The following MEIOC variants were observed in gnomAD, a reference collection of about 807,000 sequenced individuals.
The protein encoded by MEIOC is meiosis-specific coiled-coil domain-containing protein MEIOC.
A neutral mutation model predicts 85.3 loss-of-function variants in MEIOC; 9 were observed. The ratio of observed to expected loss-of-function variants is 0.11; its 90% CI spans 0.06 to 0.18. MEIOC has a LOEUF of 0.18. Ranked by LOEUF, MEIOC falls within the 10% of genes least tolerant of loss-of-function variation. MEIOC has a pLI of 1.00. For synonymous variants in MEIOC, 365 were observed against 393.7 expected (o/e 0.93, Z 0.86); for missense variants, 898 against 1,129.4 (o/e 0.80, Z 2.94).
At position 44,674,249 on chromosome 17, in the gene MEIOC, C is replaced by G; in HGVS notation, c.*53C>G. On this transcript the variant is annotated 3_prime_UTR_variant, in exon 8 of 8. Coordinates refer to ENST00000409122, the MANE Select transcript of MEIOC (RefSeq NM_001145080.3). Reference sequence around the variant, plus strand: ...AAGCTGATAAATATACCAAGACATGCTAAAAATGTTTTAATGAACTTGTCA... The same window carrying G: ...AAGCTGATAAATATACCAAGACATGGTAAAAATGTTTTAATGAACTTGTCA... 6.7e-7 allele frequency: 1 copy of G among 1,487,880 alleles called. No individual in the cohort carries two copies. Among genetic ancestry groups the G allele is most frequent in the Non-Finnish European group, 8.9e-7 (1 of 1,118,790 alleles). The allele number at this position is 1,487,880 out of a possible 1,614,324, so 92.2% of individuals were successfully genotyped here.
At chr17:44,671,343 A>G (rs968944763) in intron 6 of MEIOC, 3 of 152,068 alleles carry the variant, frequency 2.0e-5, no homozygotes, top group African/African-American at 7.2e-5. Context: ...TATGCTTCAC[A>G]TTAATTTAGA....
Position 44,657,180 on chromosome 17 carries a change from C to T in MEIOC, c.123C>T (p.Asp41=), listed in dbSNP as rs746953923. Residue 41 remains aspartate, a synonymous_variant, in exon 2 of 8, where the codon GAC becomes GAT. Transcript: ENST00000409122. ...ATCGCTGTTGGAACCTCGGCGCCGA[C>T]GCCGGCAGCAGGTTAACCGACGTCT... ...GANRCWNLGA[D]AGSRLTDVFG... 1.3e-6 allele frequency: 2 copies of T among 1,551,820 alleles called. No homozygotes were observed. The highest frequency in any genetic ancestry group is 2.7e-5 in the African/African-American group (2 of 73,184).
Position 44,656,508 on chromosome 17 carries a change from C to A in MEIOC, c.-106C>A. 2 of 940,598 alleles carry A rather than the reference C, an allele frequency of 2.1e-6. No homozygotes were observed. The highest frequency in any genetic ancestry group is 2.9e-6 in the Non-Finnish European group (2 of 687,846). The allele number at this position is 940,598 out of a possible 1,614,324, so 58.3% of individuals were successfully genotyped here. A position where few individuals can be genotyped will look rare whatever the true frequency, so the allele number is the denominator to read the frequency against. ...AGCGCCCGGGCGGCGGAGGCGGCTG[C>A]GGAGACGGCGGGGTGCGGGCTGAGG... On this transcript the variant is annotated 5_prime_UTR_variant, in exon 1 of 8. Coordinates refer to ENST00000409122, the MANE Select transcript of MEIOC (RefSeq NM_001145080.3).
rs1971771995 is a variant in MEIOC at position 44,657,160 on chromosome 17, T to C, written c.103T>C (p.Cys35Arg). Residue 35 changes from cysteine (C) to arginine (R), a missense_variant, in exon 2 of 8, where the codon TGT (cysteine) becomes CGT (arginine). Physicochemically the swap from Cys to Arg is radical, Grantham distance 180 (BLOSUM62 -3). Coordinates refer to ENST00000409122, the MANE Select transcript of MEIOC (RefSeq NM_001145080.3). ...CGCGTTCCCCGGAGGTGCGAATCGC[T>C]GTTGGAACCTCGGCGCCGACGCCGG... ...KVAFPGGANR[C>R]WNLGADAGSR... 7 of 1,551,478 alleles carry C rather than the reference T, an allele frequency of 4.5e-6. No individual in the cohort carries two copies. Among genetic ancestry groups the C allele is most frequent in the Non-Finnish European group, 6.1e-6 (7 of 1,146,960 alleles).
In MEIOC at chr17:44,656,677, C is replaced by T; in HGVS notation, c.64C>T (p.Leu22Phe). 6.7e-7 allele frequency: 1 copy of T among 1,491,660 alleles called. No homozygotes were observed. Among genetic ancestry groups the T allele is most frequent in the Non-Finnish European group, 8.9e-7 (1 of 1,121,000 alleles). 92.4% of individuals were successfully genotyped at this position (1,491,660 alleles called of 1,614,324 possible). ...CCCCTCAGGCCTGAGGGAGGAAGGACTTGAGGTAATGGATGAGGAAGGGCA... is the reference window on the plus strand; with the variant it reads ...CCCCTCAGGCCTGAGGGAGGAAGGATTTGAGGTAATGGATGAGGAAGGGCA... ...PHPSGLREEG[L>F]EPKVAFPGGA... Residue 22 changes from leucine to phenylalanine, a missense_variant, in exon 1 of 8, where the codon CTT becomes TTT. Physicochemically the swap from Leu to Phe is conservative, Grantham distance 22. Transcript: ENST00000409122.
chr17:44,666,697 A>G lies in MEIOC; in HGVS notation c.786A>G (p.Glu262=). Residue 262 remains glutamate, a synonymous_variant, in exon 5 of 8, where the codon GAA becomes GAG. Transcript: ENST00000409122. ...ATACAGCTAAGACAACATTCCAAGA[A>G]TATCCACTTATCAAAAACTGTTTTA... ...TNDTAKTTFQ[E]YPLIKNCFTP... is the part of the protein sequence containing the mutation. The G allele has an allele frequency of 6.2e-7, 1 of 1,612,800 alleles. No individual in the cohort carries two copies. The highest frequency in any genetic ancestry group is 8.5e-7 in the Non-Finnish European group (1 of 1,179,320).
chr17:44,660,415 A>AT (rs1971827988), intron 2 of MEIOC, among the ~76,000 whole-genome samples: 1 of 151,754 alleles, frequency 6.6e-6, no homozygotes, highest in Non-Finnish European at 1.5e-5. Flanking sequence ...TAATTTTTGT[A>AT]TTTTTGTCGA....
intron 2 of MEIOC, among the ~76,000 whole-genome samples, chr17:44,658,766 C>T (rs1489857326): frequency 6.9e-6 from 1 of 145,068 alleles, no homozygotes; most frequent in East Asian, 2.0e-4. Flanking sequence ...GCACTCCAGC[C>T]TGGGTGACAG....
rs925565971 is a variant in MEIOC, at chr17:44,666,474, C to T, written c.563C>T (p.Thr188Ile). ...LLTETKRPID[T>I]VISQQAFYSD... ...ACAGAAACCAAAAGGCCAATAGATA[C>T]AGTCATCTCTCAGCAAGCTTTTTAT... Residue 188 changes from threonine (T) to isoleucine (I), a missense_variant, in exon 5 of 8, where the codon ACA (threonine) becomes ATA (isoleucine). Thr to Ile is a moderately conservative substitution (Grantham distance 89). Around this residue, in one of 2 missense-constraint regions of MEIOC, gnomAD observed 734 missense variants for 860.1 expected, o/e 0.85. Coordinates refer to ENST00000409122, the MANE Select transcript of MEIOC (RefSeq NM_001145080.3). The T allele has an allele frequency of 1.5e-5, 24 of 1,581,276 alleles. 1 individual carries two copies. The highest frequency in any genetic ancestry group is 1.3e-4 in the South Asian group (11 of 86,610).
chr17:44,659,170 A>T (rs552848625), intron 2 of MEIOC, among the ~76,000 whole-genome samples: 1 of 152,300 alleles, frequency 6.6e-6, no homozygotes, highest in South Asian at 2.1e-4. Context: ...TGTACTTTGA[A>T]TTATAACAAT....
chr17:44,661,793 C>T (rs1971845991), intron 2 of MEIOC, among the ~76,000 whole-genome samples: 1 of 152,094 alleles, frequency 6.6e-6, no homozygotes, highest in Non-Finnish European at 1.5e-5. Flanking sequence ...ATCCGCCCAC[C>T]TCGGCCTCCC....
At chr17:44,661,576 G>C (rs1338845175) in intron 2 of MEIOC, among the ~76,000 whole-genome samples, 2 of 152,066 alleles carry the variant, frequency 1.3e-5, no homozygotes, top group African/African-American at 4.8e-5. Flanking sequence ...TTTTGAGACA[G>C]AGTCTCGCTC....
chr17:44,657,501 AGCTTCCTGAGGCACGCGCCACCAC>A (rs1971780661), intron 2 of MEIOC, among the ~76,000 whole-genome samples: 1 of 146,744 alleles, frequency 6.8e-6, no homozygotes, highest in Non-Finnish European at 1.5e-5. Flanking sequence ...CTTGTGCCTC[AGCTTCCTGAGGCACGCGCCACCAC>A]GCCCGGCTGT....
At chr17:44,661,995 T>A (rs1971849463) in intron 2 of MEIOC, among the ~76,000 whole-genome samples, 1 of 152,212 alleles carries the variant, frequency 6.6e-6, no homozygotes, top group Non-Finnish European at 1.5e-5. Context: ...GCCCGATACC[T>A]GTTTTGTAAA....
chr17:44,675,369 G>A lies in MEIOC; in HGVS notation c.*1173G>A. The A allele has an allele frequency of 1.0e-6, 1 of 969,046 alleles. No individual in the cohort carries two copies. Among genetic ancestry groups the A allele is most frequent in the Non-Finnish European group, 1.2e-6 (1 of 815,052 alleles). 60.0% of individuals were successfully genotyped at this position (969,046 alleles called of 1,614,324 possible). Reference sequence around the variant, plus strand: ...CGTTAATATGAAATGTTGGTATTATGTGACTCAGAAGATCTTGGGTTTTAA... The same window carrying A: ...CGTTAATATGAAATGTTGGTATTATATGACTCAGAAGATCTTGGGTTTTAA... On this transcript the variant is annotated 3_prime_UTR_variant, in exon 8 of 8. Coordinates refer to ENST00000409122, the MANE Select transcript of MEIOC (RefSeq NM_001145080.3).
chr17:44,674,183 C>A lies in MEIOC; in HGVS notation c.2846C>A (p.Thr949Lys). ...SSNPMNQRGETNKH is the reference protein window; with the variant it reads ...SSNPMNQRGEKNKH The stretch of plus-strand genomic sequence containing the variant: ...AATCCAATGAACCAGAGAGGTGAAA[C>A]AAACAAACATTAAGGAAATGCCAGC... The change falls in exon 8 of 8, where the codon ACA (threonine) becomes AAA (lysine). Residue 949 changes from threonine to lysine, a missense_variant. This residue lies in a region of MEIOC where 164 missense variants were observed against 269.2 expected (regional missense o/e 0.61). Coordinates refer to ENST00000409122, the MANE Select transcript of MEIOC (RefSeq NM_001145080.3). The A allele has an allele frequency of 6.5e-7, 1 of 1,549,922 alleles. No individual in the cohort carries two copies. The highest frequency in any genetic ancestry group is 2.4e-5 in the East Asian group (1 of 40,888).
rs1971920777 is a variant in MEIOC at position 44,667,208 on chromosome 17, A to G, written c.1297A>G (p.Asn433Asp). 9.3e-6 allele frequency: 15 copies of G among 1,613,902 alleles called. No individual in the cohort carries two copies. Among genetic ancestry groups the G allele is most frequent in the Non-Finnish European group, 1.3e-5 (15 of 1,179,876 alleles). ...GLKPHTACPA[N>D]DFANVTEKQQ... ...AAAACCTCACACAGCTTGTCCCGCTAATGATTTTGCTAACGTCACAGAAAA... is the reference window on the plus strand; with the variant it reads ...AAAACCTCACACAGCTTGTCCCGCTGATGATTTTGCTAACGTCACAGAAAA... The change falls in exon 5 of 8, where the codon AAT becomes GAT. Residue 433 changes from asparagine to aspartate, a missense_variant. Asn to Asp is a conservative substitution (Grantham distance 23). Coordinates refer to ENST00000409122, the MANE Select transcript of MEIOC (RefSeq NM_001145080.3).
chr17:44,674,306 G>GT lies in MEIOC; in HGVS notation c.*112dup. On this transcript the variant is annotated 3_prime_UTR_variant, in exon 8 of 8. Coordinates refer to ENST00000409122, the MANE Select transcript of MEIOC (RefSeq NM_001145080.3). ...CAGTATGTTTTCTTTCAGATTTAAA[G>GT]TTAATACCAGTACCTTAATGAAGTC... The GT allele has an allele frequency of 7.0e-7, 1 of 1,438,832 alleles. No individual in the cohort carries two copies. The highest frequency in any genetic ancestry group is 1.5e-5 in the South Asian group (1 of 66,346). 89.1% of individuals were successfully genotyped at this position (1,438,832 alleles called of 1,614,324 possible). A position where few individuals can be genotyped will look rare whatever the true frequency, so the allele number is the denominator to read the frequency against.
intron 1 of MEIOC, 26 bp downstream of exon 1, chr17:44,656,708 CA>C: frequency 6.8e-7 from 1 of 1,472,176 alleles, no homozygotes. Flanking sequence ...GGGCAGGGTC[CA>C]GGGGGCGGCC....
Sources: gnomAD v4.1 joint callset for allele counts (sites outside exome capture counted in the v4.1 genomes callset) on GRCh38, gnomAD v4.1.1 for gene constraint, gnomAD v4.1.1 regional missense constraint, MANE v1.5 for transcripts, NCBI Gene and HGNC (gene_info 2026-07-23, HGNC 2026-07-21) for gene names.